The following COL6A5 variants were observed in gnomAD, a reference collection of about 807,000 sequenced individuals.
COL6A5 encodes the protein collagen type VI alpha 5 chain, also known as collagen alpha-5(VI) chain.
Under a neutral mutation model 65.6 loss-of-function variants are expected in COL6A5, and 48 were observed. That is an observed-to-expected ratio of 0.73 (90% CI 0.58 to 0.93). The LOEUF (loss-of-function observed/expected upper bound fraction) is 0.93, where lower values mean the gene tolerates loss of function less well. Ranked by LOEUF, COL6A5 falls within the 40% of genes least tolerant of loss-of-function variation. COL6A5 has a pLI of 0.00. For missense variants in COL6A5, 914 were observed against 928.3 expected (o/e 0.98, Z 0.20); for synonymous variants, 291 against 322.8 (o/e 0.90, Z 1.05).
chr3:130,421,757 C>G (rs1319436408), intron 27 of COL6A5, among the ~76,000 whole-genome samples: 3 of 152,040 alleles, frequency 2.0e-5, no homozygotes, highest in Non-Finnish European at 4.4e-5. Context: ...TTCCTCCTTC[C>G]ATCTTTTCCC....
chr3:130,484,349 G>A (rs1710323120), exon 8 of COL6A5: 1 of 407,666 alleles, frequency 2.5e-6, no homozygotes, highest in African/African-American at 2.0e-5. Flanking sequence ...CACAGTTCAG[G>A]CATCAATTTT....
In COL6A5 at chr3:130,426,261, C is replaced by T. The variant is rs368675986; in HGVS notation, c.5199+12C>T. 5 of 1,551,280 alleles carry T rather than the reference C, an allele frequency of 3.2e-6. No individual in the cohort carries two copies. Among genetic ancestry groups the T allele is most frequent in the Non-Finnish European group, 8.7e-7 (1 of 1,146,672 alleles). On this transcript the variant is annotated intron_variant and NMD_transcript_variant, in intron 30 of 41. Transcript: ENST00000312481. ...AGCCTGTATATTCTGTATGTATCTCCTTATTCATGAAAGAAAACTCAATAA... is the reference window on the plus strand; with the variant it reads ...AGCCTGTATATTCTGTATGTATCTCTTTATTCATGAAAGAAAACTCAATAA...
intron 1 of COL6A5, among the ~76,000 whole-genome samples, chr3:130,360,568 G>A (rs2107620314): frequency 6.6e-6 from 1 of 152,222 alleles, no homozygotes; most frequent in Admixed American, 6.5e-5. Flanking sequence ...ATCATTTGTG[G>A]TGAAAGCAGT....
At chr3:130,416,709 T>C in intron 23 of COL6A5, 48 bp from the exon 24 acceptor site, 1 of 1,067,024 alleles carries the variant, frequency 9.4e-7, no homozygotes, top group Non-Finnish European at 1.4e-6. Context: ...ATGGGCTTTC[T>C]AAGAATTACT....
intron 4 of COL6A5, among the ~76,000 whole-genome samples, chr3:130,449,107 A>G (rs762481647): frequency 2.6e-5 from 4 of 152,174 alleles, no homozygotes; most frequent in Non-Finnish European, 5.9e-5. Context: ...TCAGAAACCA[A>G]TTGAGTTAAA....
At chr3:130,408,428 A>C (rs1364166871) in intron 17 of COL6A5, among the ~76,000 whole-genome samples, 1 of 152,176 alleles carries the variant, frequency 6.6e-6, no homozygotes, top group South Asian at 2.1e-4. Context: ...AATTCTAGTC[A>C]GACTGGTTGT....
chr3:130,462,044 A>G (rs1011000495), intron 5 of COL6A5, among the ~76,000 whole-genome samples: 2 of 152,136 alleles, frequency 1.3e-5, no homozygotes, highest in Admixed American at 6.5e-5. Flanking sequence ...GATGAAGTCT[A>G]TTTTAAGACA....
chr3:130,422,793 T>A lies in COL6A5; in HGVS notation c.5100+11T>A. 1 of 1,448,220 alleles carries A rather than the reference T, an allele frequency of 6.9e-7. No individual in the cohort carries two copies. The highest frequency in any genetic ancestry group is 9.2e-7 in the Non-Finnish European group (1 of 1,083,576). The allele number at this position is 1,448,220 out of a possible 1,614,324, so 89.7% of individuals were successfully genotyped here. ...TTTAGGGGACTAGCAGTAAGTAGCC[T>A]ATAATTCCAGAAATGATAAATATTC... is the stretch of plus-strand genomic sequence containing the variant. On this transcript the variant is annotated intron_variant and NMD_transcript_variant, in intron 28 of 41. Transcript: ENST00000312481.
intron 4 of COL6A5, among the ~76,000 whole-genome samples, chr3:130,451,699 G>A (rs748328176): frequency 4.6e-5 from 7 of 152,056 alleles, no homozygotes; most frequent in African/African-American, 7.2e-5. Flanking sequence ...GGGGGTGACC[G>A]TAAGTCAAAG....
intron 5 of COL6A5, among the ~76,000 whole-genome samples, chr3:130,461,769 T>A (rs1709706110): frequency 1.3e-5 from 2 of 152,036 alleles, no homozygotes; most frequent in African/African-American, 4.8e-5. Context: ...TTAACTTTTT[T>A]TTTTTTAAAA....
Position 130,423,590 on chromosome 3 carries a change from AT to A in COL6A5, c.5101-246del, listed in dbSNP as rs1937551922. On this transcript the variant is annotated intron_variant and NMD_transcript_variant, in intron 28 of 41. Transcript: ENST00000312481. Reference sequence around the variant, plus strand: ...TAGCACCAATCCCAATTTATGGCTAATTAAGATTGAAATGCACGGCCAGTGC... The same window carrying A: ...TAGCACCAATCCCAATTTATGGCTAATAAGATTGAAATGCACGGCCAGTGC... Among the ~76,000 whole-genome samples, 4 of 152,284 alleles carry A rather than the reference AT, an allele frequency of 2.6e-5. No individual in the cohort carries two copies. The South Asian group carries it at 8.3e-4, about 32-fold the overall frequency.
In COL6A5 at chr3:130,405,677, A is replaced by G; in HGVS notation, c.4353+18A>G. On this transcript the variant is annotated intron_variant and NMD_transcript_variant, in intron 14 of 41. Coordinates refer to the COL6A5 transcript ENST00000312481. The stretch of plus-strand genomic sequence containing the variant: ...GTCAGAAGGTAAGGCTCTTCTGTAA[A>G]TGTTATTTCCAATTCTCTGTAACAT... 6.6e-7 allele frequency: 1 copy of G among 1,525,258 alleles called. No homozygotes were observed. Among genetic ancestry groups the G allele is most frequent in the Non-Finnish European group, 8.9e-7 (1 of 1,123,542 alleles). 94.5% of individuals were successfully genotyped at this position (1,525,258 alleles called of 1,614,324 possible).
intron 5 of COL6A5, among the ~76,000 whole-genome samples, chr3:130,387,988 C>T (rs1003785533): frequency 1.3e-5 from 2 of 151,576 alleles, no homozygotes; most frequent in South Asian, 2.1e-4. Context: ...AGTAGGCTGT[C>T]TACAAATATT....
chr3:130,379,045 T>C (rs1460153580), intron 3 of COL6A5, among the ~76,000 whole-genome samples: 1 of 150,296 alleles, frequency 6.7e-6, no homozygotes, highest in Non-Finnish European at 1.5e-5. Context: ...TTCCTTCACT[T>C]CACTAGTAGT....
intron 1 of COL6A5, among the ~76,000 whole-genome samples, chr3:130,439,097 G>A (rs756316607): frequency 1.3e-5 from 2 of 152,270 alleles, no homozygotes; most frequent in South Asian, 2.1e-4. Context: ...GCTTGGGAAC[G>A]TACAATTTCT....
intron 1 of COL6A5, among the ~76,000 whole-genome samples, chr3:130,354,965 A>T (rs1351208852): frequency 4.7e-5 from 7 of 149,198 alleles, no homozygotes; most frequent in Non-Finnish European, 7.5e-5. Context: ...ATATCTCATT[A>T]ATAATTTTTA....
chr3:130,403,420 T>C (rs1041065917), intron 12 of COL6A5, among the ~76,000 whole-genome samples, 189 bp from the exon 13 acceptor site: 1 of 152,124 alleles, frequency 6.6e-6, no homozygotes, highest in Non-Finnish European at 1.5e-5. Flanking sequence ...CAAGAGGGGC[T>C]TCAGAGCTGA....
intron 4 of COL6A5, among the ~76,000 whole-genome samples, chr3:130,450,572 T>C (rs1709409343): frequency 6.6e-6 from 1 of 152,136 alleles, no homozygotes; most frequent in Non-Finnish European, 1.5e-5. Context: ...AACCTTGTGA[T>C]CAGGTAAATT....
At chr3:130,379,296 T>A in intron 3 of COL6A5, 122 bp from the exon 4 acceptor site, 5 of 915,928 alleles carry the variant, frequency 5.5e-6, no homozygotes, top group Non-Finnish European at 8.0e-6. Flanking sequence ...AAGAAAACGA[T>A]GCTGTCTACA....
Sources: gnomAD v4.1 joint callset for allele counts (sites outside exome capture counted in the v4.1 genomes callset) on GRCh38, gnomAD v4.1.1 for gene constraint, MANE v1.5 for transcripts, NCBI Gene and HGNC (gene_info 2026-07-23, HGNC 2026-07-21) for gene names.